The following CDH20 variants were observed in gnomAD, a reference collection of about 807,000 sequenced individuals.
CDH20 encodes the protein cadherin-20.
Under a neutral mutation model 74.2 loss-of-function variants are expected in CDH20, and 29 were observed. The ratio of observed to expected loss-of-function variants is 0.39; its 90% CI spans 0.29 to 0.53. The LOEUF (loss-of-function observed/expected upper bound fraction) is 0.53. Ranked by LOEUF, CDH20 falls within the 20% of genes least tolerant of loss-of-function variation. CDH20 has a pLI of 0.69. For missense variants in CDH20, 988 were observed against 1,048.3 expected (o/e 0.94, Z 0.79); for synonymous variants, 469 against 405.4 (o/e 1.16, Z -1.88).
chr18:61,370,305 T>C (rs549469550), intron 1 of CDH20, among the ~76,000 whole-genome samples: 4 of 152,216 alleles, frequency 2.6e-5, no homozygotes, highest in Non-Finnish European at 1.5e-5. Flanking sequence ...CATAGGATGC[T>C]TGCTGCCTGA....
chr18:61,398,459 T>A (rs1912057603), intron 1 of CDH20, among the ~76,000 whole-genome samples: 2 of 152,188 alleles, frequency 1.3e-5, no homozygotes, highest in Non-Finnish European at 2.9e-5. Flanking sequence ...GATTAAATGA[T>A]AAGCCAAGTA....
chr18:61,390,858 T>C (rs1363901340), intron 1 of CDH20, among the ~76,000 whole-genome samples: 1 of 152,152 alleles, frequency 6.6e-6, no homozygotes, highest in African/African-American at 2.4e-5. Context: ...CCAAATACAT[T>C]CATAATAGAA....
chr18:61,414,621 A>T (rs958916745), intron 1 of CDH20, among the ~76,000 whole-genome samples: 1 of 152,156 alleles, frequency 6.6e-6, no homozygotes, highest in Non-Finnish European at 1.5e-5. Context: ...ATATCCATAT[A>T]GTATAGTAAT....
intron 1 of CDH20, among the ~76,000 whole-genome samples, chr18:61,421,219 T>G (rs1912866781): frequency 6.6e-6 from 1 of 152,160 alleles, no homozygotes; most frequent in Admixed American, 6.5e-5. Context: ...GTTCGAGAAA[T>G]TTTTTGTAAA....
intron 7 of CDH20, among the ~76,000 whole-genome samples, chr18:61,531,134 C>A (rs1912620302): frequency 6.6e-6 from 1 of 152,216 alleles, no homozygotes; most frequent in Non-Finnish European, 1.5e-5. Context: ...TTCAGGGAAA[C>A]AAAGGCTATT....
intron 1 of CDH20, among the ~76,000 whole-genome samples, chr18:61,448,912 G>T (rs1433261928): frequency 6.6e-6 from 1 of 152,130 alleles, no homozygotes; most frequent in Non-Finnish European, 1.5e-5. Context: ...ATTCTAAGTG[G>T]CCATAGCAAT....
intron 1 of CDH20, among the ~76,000 whole-genome samples, chr18:61,485,226 C>A (rs561028576): frequency 6.6e-6 from 1 of 152,172 alleles, no homozygotes; most frequent in South Asian, 2.1e-4. Context: ...ATTCTCCATA[C>A]ACCATCAATG....
chr18:61,490,125 AAC>A (rs1321421192), intron 1 of CDH20, among the ~76,000 whole-genome samples: 1 of 152,180 alleles, frequency 6.6e-6, no homozygotes, highest in Admixed American at 6.5e-5. Flanking sequence ...AATACAGTAT[AAC>A]CCTCCAGCTA....
chr18:61,554,772 A>G lies in CDH20; in HGVS notation c.*77A>G, dbSNP rs1913574270. 6.8e-7 allele frequency: 1 copy of G among 1,473,470 alleles called. No homozygotes were observed. The highest frequency in any genetic ancestry group is 1.4e-5 in the African/African-American group (1 of 71,784). The allele number at this position is 1,473,470 out of a possible 1,614,324, so 91.3% of individuals were successfully genotyped here. A position where few individuals can be genotyped will look rare whatever the true frequency, so the allele number is the denominator to read the frequency against. ...CTTCGCGGACAAGGTGCAGCCAACC[A>G]CACGAGCAATACTGTGCTGGAGAGT... is the stretch of plus-strand genomic sequence containing the variant. On this transcript the variant is annotated 3_prime_UTR_variant, in exon 12 of 12. Coordinates refer to ENST00000262717, the MANE Select transcript of CDH20 (RefSeq NM_031891.4).
At chr18:61,547,202 C>T (rs892897972) in intron 10 of CDH20, among the ~76,000 whole-genome samples, 16 of 152,088 alleles carry the variant, frequency 1.1e-4, no homozygotes, top group African/African-American at 3.4e-4. Context: ...GTGGCATGCA[C>T]CTGTAGTCCC....
rs1449888012 is a variant in CDH20, at chr18:61,426,692, A to G, written c.-152-63710A>G. ...CACAAGGACTGACTTAATGGCCTGC[A>G]TCAGCAGCATATTGTGTGATTCATT... On this transcript the variant is annotated intron_variant, in intron 1 of 11. Coordinates refer to ENST00000262717, the MANE Select transcript of CDH20 (RefSeq NM_031891.4). Among the ~76,000 whole-genome samples the G allele has an allele frequency of 4.6e-5, 7 of 152,364 alleles. No homozygotes were observed. The East Asian group carries it at 1.4e-3, about 29-fold the overall frequency.
At chr18:61,375,503 T>G (rs1911191539) in intron 1 of CDH20, among the ~76,000 whole-genome samples, 1 of 152,186 alleles carries the variant, frequency 6.6e-6, no homozygotes, top group Non-Finnish European at 1.5e-5. Flanking sequence ...TACTTCGTGC[T>G]ACTTCCACCC....
intron 1 of CDH20, among the ~76,000 whole-genome samples, chr18:61,428,853 C>T (rs551044132): frequency 6.6e-6 from 1 of 152,214 alleles, no homozygotes; most frequent in Non-Finnish European, 1.5e-5. Context: ...AGGGGCCCAC[C>T]CACCAGCCCT....
At chr18:61,522,532 C>A (rs1433425953) in intron 6 of CDH20, among the ~76,000 whole-genome samples, 3 of 152,144 alleles carry the variant, frequency 2.0e-5, no homozygotes, top group Non-Finnish European at 2.9e-5. Context: ...ATTAAGCTAC[C>A]ACTGACTTCT....
At chr18:61,531,871 C>T (rs1312421677) in intron 7 of CDH20, among the ~76,000 whole-genome samples, 3 of 152,192 alleles carry the variant, frequency 2.0e-5, no homozygotes, top group East Asian at 1.9e-4. Flanking sequence ...GTTTGCGTCC[C>T]TTTCCACTAC....
chr18:61,442,448 T>A (rs984704679), intron 1 of CDH20, among the ~76,000 whole-genome samples: 1 of 150,988 alleles, frequency 6.6e-6, no homozygotes, highest in Non-Finnish European at 1.5e-5. Flanking sequence ...ATCACAGTGG[T>A]TTTCCAGAAC....
intron 6 of CDH20, among the ~76,000 whole-genome samples, chr18:61,527,565 T>C (rs1912471728): frequency 1.3e-5 from 2 of 152,030 alleles, no homozygotes; most frequent in African/African-American, 4.8e-5. Flanking sequence ...TCCTAGGAAA[T>C]GAAACTTTTG....
intron 6 of CDH20, among the ~76,000 whole-genome samples, chr18:61,517,579 T>C (rs968107358): frequency 6.6e-6 from 1 of 152,148 alleles, no homozygotes; most frequent in Non-Finnish European, 1.5e-5. Context: ...TTTCCCATGG[T>C]CTTTGCAACC....
At chr18:61,456,325 C>T (rs889055115) in intron 1 of CDH20, among the ~76,000 whole-genome samples, 1 of 152,054 alleles carries the variant, frequency 6.6e-6, no homozygotes, top group African/African-American at 2.4e-5. Flanking sequence ...TGGGAGTTAC[C>T]CCTCTGAGGT....
Sources: allele counts gnomAD v4.1 joint callset (sites outside exome capture counted in the v4.1 genomes callset), GRCh38; gene constraint gnomAD v4.1.1; transcripts MANE v1.5; gene names NCBI Gene and HGNC (gene_info 2026-07-23, HGNC 2026-07-21).